SORL1: variants seen among roughly 807,000 people sequenced by gnomAD.
The protein encoded by SORL1 is sortilin related receptor 1.
Under a neutral mutation model 273.7 loss-of-function variants are expected in SORL1, and 127 were observed. The ratio of observed to expected loss-of-function variants is 0.46; its 90% CI spans 0.40 to 0.54. The LOEUF is 0.54. Among genes scored for constraint, SORL1 ranks in the 20% least tolerant of loss-of-function variants. The probability of loss-of-function intolerance (pLI) is 0.00; values close to 1 mark genes in which losing one functional copy is unlikely to be tolerated. For synonymous variants in SORL1, 1,031 were observed against 1,067.4 expected (o/e 0.97, Z 0.66); for missense variants, 2,494 against 2,846.1 (o/e 0.88, Z 2.81).
intron 25 of SORL1, 116 bp downstream of exon 25, chr11:121,577,516 C>T: frequency 8.6e-7 from 1 of 1,164,298 alleles, no homozygotes; most frequent in Non-Finnish European, 1.2e-6. Flanking sequence ...CCTTAGAAAT[C>T]AGCGAGTTTC....
intron 16 of SORL1, 84 bp from the exon 17 acceptor site, chr11:121,553,853 A>G (rs985783105): frequency 3.7e-6 from 5 of 1,339,318 alleles, no homozygotes; most frequent in African/African-American, 2.9e-5. Context: ...AGGTTTGTGT[A>G]TGAGAAACAA....
At chr11:121,575,599 A>T (rs1358592036) in intron 24 of SORL1, among the ~76,000 whole-genome samples, 1 of 152,282 alleles carries the variant, frequency 6.6e-6, no homozygotes, top group African/African-American at 2.4e-5. Context: ...CAAGTTAACC[A>T]GCAGAGCAGA....
chr11:121,487,238 A>C (rs1025641396), intron 3 of SORL1, among the ~76,000 whole-genome samples: 4 of 152,202 alleles, frequency 2.6e-5, no homozygotes, highest in African/African-American at 9.7e-5. Flanking sequence ...ACTTGAGGGA[A>C]GGCATCTTGG....
intron 12 of SORL1, among the ~76,000 whole-genome samples, chr11:121,541,600 G>T (rs1168334591): frequency 6.6e-6 from 1 of 152,166 alleles, no homozygotes; most frequent in African/African-American, 2.4e-5. Context: ...AATCCCAAAG[G>T]TGTAAAACTA....
intron 2 of SORL1, among the ~76,000 whole-genome samples, chr11:121,470,850 G>C (rs1358843052): frequency 1.3e-5 from 2 of 152,042 alleles, no homozygotes; most frequent in East Asian, 1.9e-4. Context: ...GCTAATTTTT[G>C]TGCTTATATA....
At chr11:121,518,180 G>A (rs1317901551) in intron 8 of SORL1, among the ~76,000 whole-genome samples, 1 of 152,224 alleles carries the variant, frequency 6.6e-6, no homozygotes, top group Non-Finnish European at 1.5e-5. Context: ...TATTGCCAGG[G>A]CATGGATTCT....
At chr11:121,509,225 G>A (rs1861836714) in intron 6 of SORL1, among the ~76,000 whole-genome samples, 1 of 151,658 alleles carries the variant, frequency 6.6e-6, no homozygotes, top group African/African-American at 2.4e-5. Context: ...TTCTGAACTA[G>A]TGGCCCTGTG....
chr11:121,598,211 G>T (rs1863329898), intron 32 of SORL1, among the ~76,000 whole-genome samples: 1 of 152,200 alleles, frequency 6.6e-6, no homozygotes, highest in Non-Finnish European at 1.5e-5. Flanking sequence ...GAAGGCTGAG[G>T]TGAGATTGGA....
At chr11:121,491,009 C>A (rs1483424873) in intron 5 of SORL1, among the ~76,000 whole-genome samples, 1 of 150,670 alleles carries the variant, frequency 6.6e-6, no homozygotes, top group East Asian at 2.0e-4. Context: ...GGAGGTGGCC[C>A]TTGATCCAGG....
intron 25 of SORL1, among the ~76,000 whole-genome samples, chr11:121,582,402 C>T (rs140304886): frequency 1.7e-4 from 26 of 152,324 alleles, no homozygotes; most frequent in African/African-American, 4.6e-4. Flanking sequence ...ACAGAGAGTC[C>T]GTCTATCTAG....
At chr11:121,570,044 A>C in intron 22 of SORL1, 113 bp from the exon 23 acceptor site, 1 of 584,484 alleles carries the variant, frequency 1.7e-6, no homozygotes, top group Middle Eastern at 2.8e-4. Context: ...TATCTGGCTG[A>C]ATTTCCCCCG....
At chr11:121,512,443 C>T (rs1250422825) in intron 6 of SORL1, among the ~76,000 whole-genome samples, 1 of 152,172 alleles carries the variant, frequency 6.6e-6, no homozygotes, top group Non-Finnish European at 1.5e-5. Flanking sequence ...TGTATTCTAG[C>T]AAAAGACCTT....
chr11:121,605,141 T>C lies in SORL1; in HGVS notation c.4680T>C (p.Asn1560=), dbSNP rs746862629. ...SDELTVYKVQ[N]LQWTADFSGD... is the part of the protein sequence containing the mutation. The stretch of plus-strand genomic sequence containing the variant: ...AGTTGACTGTGTACAAAGTACAGAA[T>C]CTTCAGTGGACAGCTGACTTCTCTG... Residue 1560 remains asparagine, a synonymous_variant, in exon 34 of 48, where the codon AAT becomes AAC. Coordinates refer to ENST00000260197, the MANE Select transcript of SORL1 (RefSeq NM_003105.6). The C allele has an allele frequency of 6.2e-7, 1 of 1,613,136 alleles. No individual in the cohort carries two copies. The highest frequency in any genetic ancestry group is 1.3e-5 in the African/African-American group (1 of 74,870).
intron 12 of SORL1, among the ~76,000 whole-genome samples, chr11:121,538,063 C>T (rs1862292170): frequency 6.6e-6 from 1 of 152,240 alleles, no homozygotes; most frequent in South Asian, 2.1e-4. Context: ...GCCCCAATAG[C>T]CTGAAACATG....
At chr11:121,612,404 T>C (rs545459038) in intron 39 of SORL1, 1 of 211,554 alleles carries the variant, frequency 4.7e-6, no homozygotes, top group East Asian at 1.4e-4. Flanking sequence ...ATCCTTAATT[T>C]CCATGGCCTA....
At chr11:121,555,342 T>C in intron 18 of SORL1, 24 bp downstream of exon 18, 1 of 1,611,920 alleles carries the variant, frequency 6.2e-7, no homozygotes, top group Non-Finnish European at 8.5e-7. Flanking sequence ...CGTGCTGTTC[T>C]TAATTAAGGG....
At chr11:121,575,282 C>G (rs1016722114) in intron 24 of SORL1, among the ~76,000 whole-genome samples, 1 of 152,214 alleles carries the variant, frequency 6.6e-6, no homozygotes, top group African/African-American at 2.4e-5. Context: ...TTCATGAGAC[C>G]CATCTTAGTT....
intron 44 of SORL1, 133 bp from the exon 45 acceptor site, chr11:121,622,029 A>G (rs1264346969): frequency 5.0e-6 from 3 of 605,066 alleles, no homozygotes; most frequent in Non-Finnish European, 8.9e-6. Context: ...GTACTCAGCA[A>G]TCTATGTGTT....
chr11:121,503,645 G>A (rs1861745039), intron 6 of SORL1, among the ~76,000 whole-genome samples: 1 of 151,994 alleles, frequency 6.6e-6, no homozygotes, highest in Admixed American at 6.6e-5. Context: ...TCACCACTGT[G>A]CCTGGCTAAG....
Sources: allele counts gnomAD v4.1 joint callset (sites outside exome capture counted in the v4.1 genomes callset), GRCh38; gene constraint gnomAD v4.1.1; transcripts MANE v1.5; gene names NCBI Gene and HGNC (gene_info 2026-07-23, HGNC 2026-07-21).